LARS1: variants seen among roughly 807,000 people sequenced by gnomAD.
The protein encoded by LARS1 is leucine--tRNA ligase, cytoplasmic.
A neutral mutation model predicts 162.8 loss-of-function variants in LARS1; 100 were observed. The ratio of observed to expected loss-of-function variants is 0.61; its 90% CI spans 0.52 to 0.73. The LOEUF (loss-of-function observed/expected upper bound fraction) is 0.73. Among genes scored for constraint, LARS1 ranks in the 30% least tolerant of loss-of-function variants. LARS1 has a pLI of 0.00. For missense variants in LARS1, 1,258 were observed against 1,408.9 expected, an observed-to-expected ratio of 0.89 and a Z score of 1.71; for synonymous variants, 457 against 462.8, an observed-to-expected ratio of 0.99 and a Z score of 0.16.
chr5:146,137,690 A>T (rs17428100), intron 21 of LARS1: 45,782 of 197,258 alleles, frequency 0.23, 6,592 homozygotes, highest in Admixed American at 0.34. Context: ...ACTAAGAAAA[A>T]TAGCTCTTCC....
chr5:146,170,481 A>G (rs67303470), intron 4 of LARS1, among the ~76,000 whole-genome samples: 11,145 of 144,224 alleles, frequency 0.077, 454 homozygotes, highest in East Asian at 0.11. Context: ...AAAAAAAAAA[A>G]GGGGGGAAAA....
chr5:146,175,315 G>A (rs1754506847), intron 2 of LARS1, among the ~76,000 whole-genome samples: 1 of 151,790 alleles, frequency 6.6e-6, no homozygotes, highest in Non-Finnish European at 1.5e-5. Context: ...GGAGTCGGAG[G>A]CAGGCGGATC....
At chr5:146,181,841 A>ATTTTT (rs1181046830) in intron 1 of LARS1, among the ~76,000 whole-genome samples, 12 of 23,970 alleles carry the variant, frequency 5.0e-4, no homozygotes, top group African/African-American at 6.8e-4. Flanking sequence ...GAGGCGCTCA[A>ATTTTT]TTTTTTCTTT....
intron 20 of LARS1, among the ~76,000 whole-genome samples, chr5:146,141,094 T>C (rs1051137013): frequency 1.3e-5 from 2 of 152,198 alleles, no homozygotes; most frequent in Admixed American, 6.5e-5. Flanking sequence ...TTTGCCTTTA[T>C]GTATTCTTTA....
chr5:146,149,686 TCCA>T lies in LARS1; in HGVS notation c.1436_1438del (p.Val479del), dbSNP rs1753185724. The T allele has an allele frequency of 6.2e-7, 1 of 1,610,802 alleles. No individual in the cohort carries two copies. Among genetic ancestry groups the T allele is most frequent in the Non-Finnish European group, 8.5e-7 (1 of 1,177,254 alleles). On this transcript the variant is annotated inframe_deletion, in exon 15 of 32. Coordinates refer to ENST00000394434, the MANE Select transcript of LARS1 (RefSeq NM_020117.11). ...TTGAACCTTCTGTCCTTTAAATCCA[TCCA>T]CCAACATGATCTAAAAGGATGAGAG...
chr5:146,168,366 T>C, intron 4 of LARS1, 101 bp from the exon 5 acceptor site: 2 of 1,252,806 alleles, frequency 1.6e-6, no homozygotes, highest in East Asian at 4.8e-5. Flanking sequence ...CTGAAATTTT[T>C]TGCAATATAT....
chr5:146,124,444 T>C (rs1470918419), intron 28 of LARS1, among the ~76,000 whole-genome samples: 1 of 151,760 alleles, frequency 6.6e-6, no homozygotes, highest in Admixed American at 6.6e-5. Context: ...TGTGTGAAAA[T>C]ATCCCTTTAA....
chr5:146,144,472 G>C lies in LARS1; in HGVS notation c.1655C>G (p.Thr552Arg). ...QTSQCLKNLE[T>R]FCEETRRNFE... ...CCTTCATCACTTTCTCCCATCTTAC[G>C]TTTCCAGGTTCTTCAAGCACTGAGA... Residue 552 changes from threonine (T) to arginine (R), a missense_variant and splice_region_variant, in exon 17 of 32, where the codon ACA becomes AGA. Physicochemically the swap from Thr to Arg is moderately conservative, Grantham distance 71. Transcript: ENST00000394434. The C allele has an allele frequency of 1.2e-6, 2 of 1,612,180 alleles. No individual in the cohort carries two copies. Among genetic ancestry groups the C allele is most frequent in the Non-Finnish European group, 1.7e-6 (2 of 1,179,426 alleles).
intron 25 of LARS1, among the ~76,000 whole-genome samples, chr5:146,129,357 C>G (rs1752178454): frequency 6.6e-6 from 1 of 152,136 alleles, no homozygotes; most frequent in Admixed American, 6.6e-5. Context: ...TATTAATACC[C>G]ACACACATAT....
At chr5:146,126,304 G>A (rs890199650) in intron 28 of LARS1, 131 bp downstream of exon 28, 4 of 548,794 alleles carry the variant, frequency 7.3e-6, no homozygotes, top group Non-Finnish European at 1.3e-5. Flanking sequence ...ATTTCTCTCA[G>A]TCATTGATTG....
intron 5 of LARS1, among the ~76,000 whole-genome samples, chr5:146,165,581 A>T (rs1281215235): frequency 6.6e-6 from 1 of 152,124 alleles, no homozygotes; most frequent in Admixed American, 6.6e-5. Flanking sequence ...TTTTTAAAAA[A>T]TTCAACCACG....
intron 31 of LARS1, among the ~76,000 whole-genome samples, chr5:146,118,516 T>G (rs1751674023): frequency 6.6e-6 from 1 of 152,230 alleles, no homozygotes. Context: ...AGGAGCTGTT[T>G]GAATGTTCTC....
chr5:146,167,676 G>A (rs957274301), intron 5 of LARS1, among the ~76,000 whole-genome samples: 1 of 150,650 alleles, frequency 6.6e-6, no homozygotes, highest in Admixed American at 6.6e-5. Context: ...TTACAGGCGT[G>A]AGCCACCACG....
intron 5 of LARS1, among the ~76,000 whole-genome samples, chr5:146,165,635 T>G (rs148436946): frequency 2.4e-4 from 35 of 144,584 alleles, no homozygotes; most frequent in African/African-American, 8.9e-4. Flanking sequence ...CAAATCTATC[T>G]AACTGCATTA....
chr5:146,143,043 A>G lies in LARS1; in HGVS notation c.1919T>C (p.Phe640Ser). 1 of 1,613,918 alleles carries G rather than the reference A, an allele frequency of 6.2e-7. No homozygotes were observed. The change falls in exon 20 of 32, where the codon TTC becomes TCC. Residue 640 changes from phenylalanine to serine, a missense_variant. By Grantham distance (155) the Phe-to-Ser change is radical. Coordinates refer to ENST00000394434, the MANE Select transcript of LARS1 (RefSeq NM_020117.11). ...AGTCTTAGGAAATGGAGCCTCCTTGAAGAAAACATAATCCCAAACTTCCTT... is the reference window on the plus strand; with the variant it reads ...AGTCTTAGGAAATGGAGCCTCCTTGGAGAAAACATAATCCCAAACTTCCTT... ...MTKEVWDYVF[F>S]KEAPFPKTQI...
chr5:146,150,983 A>ACACACACACACACACAC (rs1561817010), intron 14 of LARS1, among the ~76,000 whole-genome samples: 1 of 151,178 alleles, frequency 6.6e-6, no homozygotes, highest in African/African-American at 2.4e-5. Flanking sequence ...ACACACACAC[A>ACACACACACACACACAC]AATGTAAATC....
intron 3 of LARS1, 36 bp from the exon 4 acceptor site, chr5:146,172,026 A>G (rs752283114): frequency 1.3e-6 from 2 of 1,519,382 alleles, no homozygotes; most frequent in Admixed American, 3.4e-5. Flanking sequence ...TTGCAAATTT[A>G]AATGCCAGAC....
In LARS1 at chr5:146,152,685, T is replaced by C. The variant is rs1397595912; in HGVS notation, c.1284+489A>G. On this transcript the variant is annotated intron_variant, in intron 13 of 31. Coordinates refer to ENST00000394434, the MANE Select transcript of LARS1 (RefSeq NM_020117.11). ...CTGCTGATGTAAACAACTAGATTCA[T>C]GGATGGTTGTGCTTTTGGTTTATAT... is the stretch of plus-strand genomic sequence containing the variant. Among the ~76,000 whole-genome samples the C allele has an allele frequency of 3.9e-5, 6 of 152,346 alleles. No homozygotes were observed. In the South Asian group the frequency reaches 8.3e-4, roughly 21 times the overall value.
intron 4 of LARS1, among the ~76,000 whole-genome samples, chr5:146,169,489 T>C (rs773340036): frequency 3.9e-5 from 6 of 152,242 alleles, no homozygotes; most frequent in Admixed American, 1.3e-4. Context: ...ACCAGGGTTA[T>C]TGAGTAACAG....
Sources: allele counts gnomAD v4.1 joint callset (sites outside exome capture counted in the v4.1 genomes callset), GRCh38; gene constraint gnomAD v4.1.1; transcripts MANE v1.5; gene names NCBI Gene and HGNC (gene_info 2026-07-23, HGNC 2026-07-21).